Variants in SMCHD1 observed in about 807,000 individuals in gnomAD.
SMCHD1 encodes structural maintenance of chromosomes flexible hinge domain containing 1, also known as structural maintenance of chromosomes flexible hinge domain-containing protein 1.
Under a neutral mutation model 254.7 loss-of-function variants are expected in SMCHD1, and 78 were observed. The observed-to-expected ratio is 0.31, with a 90% CI of 0.26 to 0.37. The LOEUF is 0.37. SMCHD1 is among the 10% of genes least tolerant of loss of function. SMCHD1 has a pLI of 1.00. For missense variants in SMCHD1, 1,840 were observed against 2,408.1 expected (o/e 0.76, Z 4.94); for synonymous variants, 766 against 794.9 (o/e 0.96, Z 0.61).
Position 2,673,383 on chromosome 18 carries a change from A to G in SMCHD1, c.507+20A>G. 7.0e-7 allele frequency: 1 copy of G among 1,419,714 alleles called. No homozygotes were observed. Among genetic ancestry groups the G allele is most frequent in the Non-Finnish European group, 9.4e-7 (1 of 1,063,220 alleles). The allele number at this position is 1,419,714 out of a possible 1,614,324, so 87.9% of individuals were successfully genotyped here. ...AAATTGGTAAGGAAATAATACTGTAAAGCAATTTAACTTTTCCTTTTGTAA... is the reference window on the plus strand; with the variant it reads ...AAATTGGTAAGGAAATAATACTGTAGAGCAATTTAACTTTTCCTTTTGTAA... On this transcript the variant is annotated intron_variant, in intron 4 of 47. Transcript: ENST00000320876.
At chr18:2,679,903 G>T in intron 5 of SMCHD1, among the ~76,000 whole-genome samples, 1 of 150,310 alleles carries the variant, frequency 6.7e-6, no homozygotes, top group Non-Finnish European at 1.5e-5. Context: ...TTTTCTTTTT[G>T]TTCCTCAAAC....
chr18:2,680,545 ACT>A (rs1011186470), intron 5 of SMCHD1, among the ~76,000 whole-genome samples: 3 of 152,090 alleles, frequency 2.0e-5, no homozygotes, highest in African/African-American at 7.2e-5. Context: ...AGAGTTTACA[ACT>A]CTGCCTTACT....
At chr18:2,673,219 G>T in intron 3 of SMCHD1, 62 bp from the exon 4 acceptor site, 1 of 1,478,934 alleles carries the variant, frequency 6.8e-7, no homozygotes, top group South Asian at 1.4e-5. Context: ...CTTCTTCTTT[G>T]AACTTTTATA....
At chr18:2,667,529 CCT>C (rs1182681404) in intron 3 of SMCHD1, among the ~76,000 whole-genome samples, 7 of 152,182 alleles carry the variant, frequency 4.6e-5, no homozygotes, top group Admixed American at 2.0e-4. Flanking sequence ...TTTACTGAAT[CCT>C]CTCTTTCAGG....
Position 2,732,271 on chromosome 18 carries a change from A to G in SMCHD1, c.3055A>G (p.Lys1019Glu). 6.2e-7 allele frequency: 1 copy of G among 1,612,620 alleles called. No individual in the cohort carries two copies. Among genetic ancestry groups the G allele is most frequent in the Non-Finnish European group, 8.5e-7 (1 of 1,179,008 alleles). ...TGTTTTCTTCTCTTTCTAGAGTTGT[A>G]AAGATGTGGCACCTGTGGAGAAGAC... ...LKARIEIPSC[K>E]DVAPVEKTIK... The change falls in exon 25 of 48, where the codon AAA becomes GAA. Residue 1019 changes from lysine (K) to glutamate (E), a missense_variant. Lys to Glu is a moderately conservative substitution (Grantham distance 56). This residue lies in a region of SMCHD1 where 881 missense variants were observed against 1,009.5 expected (regional missense o/e 0.87). Coordinates refer to ENST00000320876, the MANE Select transcript of SMCHD1 (RefSeq NM_015295.3).
At chr18:2,738,607 A>G (rs903958995) in intron 26 of SMCHD1, 62 bp downstream of exon 26, 4 of 1,358,654 alleles carry the variant, frequency 2.9e-6, no homozygotes, top group Middle Eastern at 1.9e-4. Flanking sequence ...CATTGCACAT[A>G]TATGAAAGTT....
At position 2,802,597 on chromosome 18, in the gene SMCHD1, T is replaced by G; in HGVS notation, c.*45T>G. On this transcript the variant is annotated 3_prime_UTR_variant, in exon 48 of 48. Coordinates refer to ENST00000320876, the MANE Select transcript of SMCHD1 (RefSeq NM_015295.3). ...GCCATTGGTCTCAGTAAGAATGCCC[T>G]GCTTTCTGCATCTCTGTTTCAGAAG... 1 of 1,510,940 alleles carries G rather than the reference T, an allele frequency of 6.6e-7. No homozygotes were observed. The highest frequency in any genetic ancestry group is 8.9e-7 in the Non-Finnish European group (1 of 1,121,552). 93.6% of individuals were successfully genotyped at this position (1,510,940 alleles called of 1,614,324 possible).
intron 3 of SMCHD1, 101 bp from the exon 4 acceptor site, chr18:2,673,180 C>T: frequency 7.2e-7 from 1 of 1,393,212 alleles, no homozygotes; most frequent in Non-Finnish European, 9.4e-7. Flanking sequence ...TTAATTCTAG[C>T]TCTTTGGCTT....
At position 2,732,411 on chromosome 18, in the gene SMCHD1, T is replaced by C; in HGVS notation, c.3195T>C (p.Ile1065=). The stretch of plus-strand genomic sequence containing the variant: ...AGGTTAATTGGATAGCGGGTGATAT[T>C]ATGCATAATCTTATTTTTCAAATGT... ...QDEVNWIAGD[I]MHNLIFQMYD... The change falls in exon 25 of 48, where the codon ATT becomes ATC. Residue 1065 remains isoleucine, a synonymous_variant. Transcript: ENST00000320876. The C allele has an allele frequency of 3.1e-6, 5 of 1,613,312 alleles. No individual in the cohort carries two copies. The highest frequency in any genetic ancestry group is 4.2e-6 in the Non-Finnish European group (5 of 1,179,620).
chr18:2,703,013 A>G (rs767756813), intron 12 of SMCHD1, among the ~76,000 whole-genome samples: 5 of 152,208 alleles, frequency 3.3e-5, no homozygotes, highest in Non-Finnish European at 5.9e-5. Context: ...AACAGGGTGA[A>G]GAATGGTTGG....
chr18:2,693,215 T>C (rs764317770), intron 7 of SMCHD1, among the ~76,000 whole-genome samples: 13 of 152,212 alleles, frequency 8.5e-5, no homozygotes, highest in Admixed American at 3.3e-4. Flanking sequence ...TTAGTCTGTT[T>C]TTATTTCCAC....
In SMCHD1 at chr18:2,707,852, A is replaced by C; in HGVS notation, c.2192A>C (p.Gln731Pro). The C allele has an allele frequency of 3.7e-6, 6 of 1,609,498 alleles. No individual in the cohort carries two copies. The highest frequency in any genetic ancestry group is 5.1e-6 in the Non-Finnish European group (6 of 1,178,014). Residue 731 changes from glutamine to proline, a missense_variant, in exon 17 of 48, where the codon CAA (glutamine) becomes CCA (proline). Physicochemically the swap from Gln to Pro is moderately conservative, Grantham distance 76 (BLOSUM62 -1). Coordinates refer to ENST00000320876, the MANE Select transcript of SMCHD1 (RefSeq NM_015295.3). ...EILNKKGEAMQKLPGTSHGGS... is the reference protein window; with the variant it reads ...EILNKKGEAMPKLPGTSHGGS... ...CTGAATAAAAAAGGGGAAGCAATGC[A>C]AAAGCTTCCAGGAACAAGCCATGGA...
intron 3 of SMCHD1, among the ~76,000 whole-genome samples, chr18:2,667,985 T>C (rs543302825): frequency 3.5e-4 from 53 of 152,304 alleles, no homozygotes; most frequent in African/African-American, 1.2e-3. Context: ...GTTCAAGTGA[T>C]TCTCCTGCCT....
intron 41 of SMCHD1, among the ~76,000 whole-genome samples, chr18:2,773,504 CTT>C (rs2076016628): frequency 6.6e-6 from 1 of 152,172 alleles, no homozygotes; most frequent in Non-Finnish European, 1.5e-5. Flanking sequence ...CATAGTTTCT[CTT>C]TTGTCCCCTC....
chr18:2,731,856 C>A (rs1007821606), intron 24 of SMCHD1, among the ~76,000 whole-genome samples: 1 of 152,058 alleles, frequency 6.6e-6, no homozygotes, highest in Non-Finnish European at 1.5e-5. Context: ...GCTGAAAATA[C>A]AAAAATTATC....
At chr18:2,681,260 A>G (rs1490953134) in intron 5 of SMCHD1, among the ~76,000 whole-genome samples, 19 of 152,012 alleles carry the variant, frequency 1.2e-4, no homozygotes, top group Admixed American at 1.2e-3. Flanking sequence ...TAAAAATACA[A>G]AAATTAGCCA....
At chr18:2,680,073 C>A (rs942021895) in intron 5 of SMCHD1, among the ~76,000 whole-genome samples, 3 of 152,030 alleles carry the variant, frequency 2.0e-5, no homozygotes, top group African/African-American at 4.8e-5. Flanking sequence ...CCAACTGATA[C>A]TCTCTGTTTG....
chr18:2,730,573 A>G (rs1228428243), intron 24 of SMCHD1, among the ~76,000 whole-genome samples: 1 of 152,040 alleles, frequency 6.6e-6, no homozygotes, highest in African/African-American at 2.4e-5. Flanking sequence ...TAAACAATCT[A>G]AGGTTGTGGA....
In SMCHD1 at chr18:2,695,031, A is replaced by G. The variant is rs149171959; in HGVS notation, c.1040+338A>G. Among the ~76,000 whole-genome samples, 984 of 136,422 alleles carry G rather than the reference A, an allele frequency of 7.2e-3. 15 individuals are homozygous for G. Among genetic ancestry groups the G allele is most frequent in the African/African-American group, 0.026 (944 of 36,508 alleles). The allele number at this position is 136,422 out of a possible 152,430, so 89.5% of individuals were successfully genotyped here. Reference sequence around the variant, plus strand: ...GCTTCTTTTCCATAGGACCTGTCGTAATCTTCCATACCATATATATTTATT... The same window carrying G: ...GCTTCTTTTCCATAGGACCTGTCGTGATCTTCCATACCATATATATTTATT... On this transcript the variant is annotated intron_variant, in intron 8 of 47. Transcript: ENST00000320876.
Sources: gnomAD v4.1 joint callset for allele counts (sites outside exome capture counted in the v4.1 genomes callset) on GRCh38, gnomAD v4.1.1 for gene constraint, gnomAD v4.1.1 regional missense constraint, MANE v1.5 for transcripts, NCBI Gene and HGNC (gene_info 2026-07-23, HGNC 2026-07-21) for gene names.